The following CNTNAP2 variants were observed in gnomAD, a reference collection of about 807,000 sequenced individuals.
CNTNAP2 encodes contactin-associated protein-like 2.
CNTNAP2 carries 98 observed loss-of-function variants against 155.2 expected under a neutral mutation model. The observed-to-expected ratio is 0.63, with a 90% CI of 0.54 to 0.75. The LOEUF (loss-of-function observed/expected upper bound fraction) is 0.75, where lower values mean the gene tolerates loss of function less well. Among genes scored for constraint, CNTNAP2 ranks in the 30% least tolerant of loss-of-function variants. The pLI is 0.00. For missense variants in CNTNAP2, 1,727 were observed against 1,688.1 expected, an observed-to-expected ratio of 1.02 and a Z score of -0.40; for synonymous variants, 651 against 631.2, an observed-to-expected ratio of 1.03 and a Z score of -0.47.
chr7:146,404,124 C>CAAAAAAAAAAAAAAAAAAA (rs1163559597), intron 1 of CNTNAP2, among the ~76,000 whole-genome samples: 2 of 72,762 alleles, frequency 2.7e-5, no homozygotes, highest in Non-Finnish European at 2.5e-5. Flanking sequence ...GACTCCGTCT[C>CAAAAAAAAAAAAAAAAAAA]AAAAAAAAAA....
At chr7:147,037,866 A>T (rs982513) in intron 3 of CNTNAP2, among the ~76,000 whole-genome samples, 72,356 of 152,104 alleles carry the variant, frequency 0.48, 17,594 homozygotes, top group South Asian at 0.56. Flanking sequence ...ACTGATATTT[A>T]TGGAGACATT....
chr7:146,510,872 A>G (rs1315081586), intron 1 of CNTNAP2, among the ~76,000 whole-genome samples: 1 of 151,864 alleles, frequency 6.6e-6, no homozygotes, highest in Non-Finnish European at 1.5e-5. Context: ...CAGCTGTACT[A>G]GTTTTGGGGT....
chr7:147,308,520 G>T (rs1399668059), intron 9 of CNTNAP2, among the ~76,000 whole-genome samples: 2 of 152,174 alleles, frequency 1.3e-5, no homozygotes, highest in Non-Finnish European at 2.9e-5. Flanking sequence ...GAGATATGGG[G>T]TGTGAAAGCC....
chr7:146,647,428 T>TA (rs1237802291), intron 1 of CNTNAP2, among the ~76,000 whole-genome samples: 5 of 152,216 alleles, frequency 3.3e-5, no homozygotes, highest in Admixed American at 3.3e-4. Flanking sequence ...GGGATTATGT[T>TA]AAAAAAACAA....
intron 8 of CNTNAP2, among the ~76,000 whole-genome samples, chr7:147,219,219 A>G (rs1172106497): frequency 6.6e-6 from 1 of 152,162 alleles, no homozygotes; most frequent in African/African-American, 2.4e-5. Context: ...CTAATAGGCT[A>G]TATGTATATA....
rs1563185277 is a variant in CNTNAP2 at position 148,061,908 on chromosome 7, T to TAAAC, written c.2384-56209_2384-56208insAACA. The stretch of plus-strand genomic sequence containing the variant: ...ATAGATAGATAGATAGATAGATAGA[T>TAAAC]AGATAAACAGATATAGATAGATAGA... On this transcript the variant is annotated intron_variant, in intron 15 of 23. Coordinates refer to ENST00000361727, the MANE Select transcript of CNTNAP2 (RefSeq NM_014141.6). 3.7e-4 allele frequency among the ~76,000 whole-genome samples: 43 copies of TAAAC among 117,418 alleles called. 1 individual carries two copies. In the East Asian group the frequency reaches 6.5e-3, roughly 18 times the overall value. 77.0% of individuals were successfully genotyped at this position (117,418 alleles called of 152,430 possible).
intron 15 of CNTNAP2, among the ~76,000 whole-genome samples, chr7:148,104,463 A>C (rs1348211007): frequency 6.6e-6 from 1 of 152,190 alleles, no homozygotes; most frequent in Non-Finnish European, 1.5e-5. Context: ...GTAGTCTATC[A>C]ACACATAAAG....
chr7:147,382,446 G>A lies in CNTNAP2; in HGVS notation c.1499-13163G>A, dbSNP rs190641191. ...GAAGTGCCAGGATCAACTCTTGATT[G>A]ATTAATATGCACAAACTTATTGATA... On this transcript the variant is annotated intron_variant, in intron 9 of 23. Transcript: ENST00000361727. Among the ~76,000 whole-genome samples, 28 of 152,144 alleles carry A rather than the reference G, an allele frequency of 1.8e-4. 1 individual carries two copies. The highest frequency in any genetic ancestry group is 6.5e-4 in the African/African-American group (27 of 41,438).
intron 10 of CNTNAP2, among the ~76,000 whole-genome samples, chr7:147,402,784 T>A (rs1796939059): frequency 6.6e-6 from 1 of 151,920 alleles, no homozygotes; most frequent in Non-Finnish European, 1.5e-5. Flanking sequence ...TCCCTCCCTA[T>A]CTGCTCTACA....
intron 1 of CNTNAP2, among the ~76,000 whole-genome samples, chr7:146,266,778 C>CA (rs1237766862): frequency 6.6e-6 from 1 of 151,392 alleles, no homozygotes; most frequent in African/African-American, 2.4e-5. Flanking sequence ...GCACATGTGA[C>CA]AAGAAAGATG....
intron 13 of CNTNAP2, among the ~76,000 whole-genome samples, chr7:147,798,185 A>G (rs1158280503): frequency 6.6e-6 from 1 of 152,194 alleles, no homozygotes; most frequent in Non-Finnish European, 1.5e-5. Context: ...TGCAAGATTG[A>G]TGGTGTAACT....
At chr7:146,545,316 A>C (rs937185711) in intron 1 of CNTNAP2, among the ~76,000 whole-genome samples, 13 of 151,876 alleles carry the variant, frequency 8.6e-5, no homozygotes, top group Non-Finnish European at 2.9e-5. Context: ...TTTGTAACAC[A>C]AAAAAACAAA....
intron 1 of CNTNAP2, among the ~76,000 whole-genome samples, chr7:146,735,337 G>A (rs1474425698): frequency 1.3e-5 from 2 of 152,178 alleles, no homozygotes; most frequent in Non-Finnish European, 1.5e-5. Context: ...CAGATGACGA[G>A]GTCAGGAGAT....
chr7:147,000,014 C>T (rs1182965327), intron 3 of CNTNAP2, among the ~76,000 whole-genome samples: 3 of 151,760 alleles, frequency 2.0e-5, no homozygotes, highest in Admixed American at 6.6e-5. Flanking sequence ...TATATTTGCT[C>T]ATTTAAGGTT....
intron 2 of CNTNAP2, among the ~76,000 whole-genome samples, chr7:146,787,399 T>C (rs1039871517): frequency 3.3e-5 from 5 of 152,164 alleles, no homozygotes; most frequent in Non-Finnish European, 7.3e-5. Flanking sequence ...TGTCTGGAGT[T>C]TCTTCCTTCT....
At chr7:146,885,927 C>T (rs531420890) in intron 3 of CNTNAP2, among the ~76,000 whole-genome samples, 4 of 94,968 alleles carry the variant, frequency 4.2e-5, no homozygotes, top group Non-Finnish European at 8.3e-5. Context: ...ATATGTAAGT[C>T]GGTGTGTGTG....
intron 2 of CNTNAP2, among the ~76,000 whole-genome samples, chr7:146,835,800 CAG>C (rs1487365507): frequency 1.3e-5 from 2 of 152,022 alleles, no homozygotes; most frequent in Non-Finnish European, 2.9e-5. Flanking sequence ...AGGAATGAAA[CAG>C]AAATTAGTTA....
intron 1 of CNTNAP2, among the ~76,000 whole-genome samples, chr7:146,462,841 G>A (rs73741703): frequency 0.02 from 3,052 of 152,230 alleles, 110 homozygotes; most frequent in African/African-American, 0.068. Flanking sequence ...CAGTTTGGGC[G>A]TCTCTCTCAT....
chr7:147,430,108 G>A (rs1797441039), intron 10 of CNTNAP2, among the ~76,000 whole-genome samples: 1 of 152,048 alleles, frequency 6.6e-6, no homozygotes, highest in Admixed American at 6.6e-5. Flanking sequence ...AGATGTCAAA[G>A]CAGGAAATAG....
Sources: gnomAD v4.1 joint callset for allele counts (sites outside exome capture counted in the v4.1 genomes callset) on GRCh38, gnomAD v4.1.1 for gene constraint, MANE v1.5 for transcripts, NCBI Gene and HGNC (gene_info 2026-07-23, HGNC 2026-07-21) for gene names.